Variants in CNTNAP3B observed in about 807,000 individuals in gnomAD.
CNTNAP3B encodes contactin-associated protein-like 3B.
CNTNAP3B carries 25 observed loss-of-function variants against 108.9 expected under a neutral mutation model. The observed-to-expected ratio is 0.23, with a 90% CI of 0.17 to 0.32. The LOEUF (loss-of-function observed/expected upper bound fraction) is 0.32. Among genes scored for constraint, CNTNAP3B ranks in the 10% least tolerant of loss-of-function variants. The probability of loss-of-function intolerance (pLI) is 1.00; values close to 1 mark genes in which losing one functional copy is unlikely to be tolerated. For synonymous variants in CNTNAP3B, 103 were observed against 473.4 expected (o/e 0.22, Z 10.16); for missense variants, 252 against 1,210.4 (o/e 0.21, Z 11.75).
chr9:42,097,270 G>A (rs1046637740), intron 2 of CNTNAP3B, among the ~76,000 whole-genome samples: 3 of 140,358 alleles, frequency 2.1e-5, no homozygotes, highest in South Asian at 2.3e-4. Flanking sequence ...AGCAGGCATG[G>A]AAAATGGGGA....
intron 13 of CNTNAP3B, among the ~76,000 whole-genome samples, chr9:41,944,816 A>G (rs1481564182): frequency 6.6e-6 from 1 of 152,294 alleles, no homozygotes; most frequent in Non-Finnish European, 1.5e-5. Context: ...AGAAACTACC[A>G]TCAGAGTGAA....
In CNTNAP3B at chr9:41,944,394, A is replaced by C. The variant is rs1226777378; in HGVS notation, c.2081-5994T>G. 4.0e-4 allele frequency among the ~76,000 whole-genome samples: 60 copies of C among 149,826 alleles called. No homozygotes were observed. In the East Asian group the frequency reaches 9.5e-3, roughly 24 times the overall value. Reference sequence around the variant, plus strand: ...TAAGTAAAATGAATGATAATAATGTAATACAAAATAAGACAGAAGGATTGG... The same window carrying C: ...TAAGTAAAATGAATGATAATAATGTCATACAAAATAAGACAGAAGGATTGG... On this transcript the variant is annotated intron_variant, in intron 13 of 23. Coordinates refer to ENST00000377561, the MANE Select transcript of CNTNAP3B (RefSeq NM_001201380.3).
chr9:42,035,281 C>A (rs1222924330), intron 3 of CNTNAP3B, among the ~76,000 whole-genome samples: 1 of 143,734 alleles, frequency 7.0e-6, no homozygotes, highest in Non-Finnish European at 1.5e-5. Context: ...TACAGATTAG[C>A]AAGTGAGCTC....
chr9:42,090,738 C>CAT (rs200186231), intron 2 of CNTNAP3B, among the ~76,000 whole-genome samples: 41,791 of 66,222 alleles, frequency 0.63, 18,301 homozygotes, highest in Non-Finnish European at 0.68. Context: ...TATGTACTGA[C>CAT]ATATGTGTGT....
intron 9 of CNTNAP3B, among the ~76,000 whole-genome samples, chr9:41,977,786 A>ATTTTTTTTTTTT (rs71288160): frequency 1.1e-5 from 1 of 90,532 alleles, no homozygotes; most frequent in South Asian, 3.9e-4. Context: ...TGCCCAGCTA[A>ATTTTTTTTTTTT]TTTTTTTTTT....
chr9:41,918,038 GT>G (rs1338822186), intron 18 of CNTNAP3B, among the ~76,000 whole-genome samples: 2 of 152,298 alleles, frequency 1.3e-5, no homozygotes, highest in Non-Finnish European at 2.9e-5. Context: ...TTCAATAGTT[GT>G]TTTTTAAAAT....
Position 42,080,395 on chromosome 9 carries a change from C to G in CNTNAP3B, c.197-3333G>C, listed in dbSNP as rs183852593. 4.3e-3 allele frequency among the ~76,000 whole-genome samples: 597 copies of G among 139,994 alleles called. 95 individuals carry two copies. Among genetic ancestry groups the G allele is most frequent in the Non-Finnish European group, 7.4e-3 (482 of 65,122 alleles). 91.8% of individuals were successfully genotyped at this position (139,994 alleles called of 152,430 possible). A position where few individuals can be genotyped will look rare whatever the true frequency, so the allele number is the denominator to read the frequency against. On this transcript the variant is annotated intron_variant, in intron 2 of 23. Transcript: ENST00000377561. The stretch of plus-strand genomic sequence containing the variant: ...TCAGGATGTTGTAGACTCATGGTTA[C>G]AATCTGCAATCCCAGATGCATTTTA...
At chr9:42,075,278 T>G (rs1350278496) in intron 3 of CNTNAP3B, among the ~76,000 whole-genome samples, 1 of 146,388 alleles carries the variant, frequency 6.8e-6, no homozygotes, top group Non-Finnish European at 1.5e-5. Flanking sequence ...TAAGGTCACA[T>G]TCTGAGGTAC....
chr9:41,956,341 G>A (rs139868045), intron 12 of CNTNAP3B, among the ~76,000 whole-genome samples: 4,646 of 150,542 alleles, frequency 0.031, 79 homozygotes, highest in East Asian at 0.24. Flanking sequence ...AGCCGAGATC[G>A]TGCCACTGTA....
At chr9:41,942,621 AT>A (rs1824391527) in intron 13 of CNTNAP3B, among the ~76,000 whole-genome samples, 1 of 150,850 alleles carries the variant, frequency 6.6e-6, no homozygotes. Context: ...AAAAATTAAA[AT>A]AAAATAAAAA....
intron 2 of CNTNAP3B, among the ~76,000 whole-genome samples, chr9:42,096,903 T>C (rs1827912522): frequency 1.6e-5 from 2 of 127,228 alleles, no homozygotes; most frequent in Non-Finnish European, 3.3e-5. Context: ...TCCTAGTCCG[T>C]AACAGTGGCA....
chr9:42,120,478 T>C lies in CNTNAP3B; in HGVS notation c.85+8532A>G, dbSNP rs1828435601. Among the ~76,000 whole-genome samples the C allele has an allele frequency of 1.4e-5, 2 of 137,982 alleles. 1 individual carries two copies. The highest frequency in any genetic ancestry group is 4.7e-4 in the South Asian group (2 of 4,218). The allele number at this position is 137,982 out of a possible 152,430, so 90.5% of individuals were successfully genotyped here. On this transcript the variant is annotated intron_variant, in intron 1 of 23. Transcript: ENST00000377561. ...CCCAGCCATCCCATTACTGGGTATA[T>C]ACCCAAAGGATTATAAATCATGCTG... is the stretch of plus-strand genomic sequence containing the variant.
intron 13 of CNTNAP3B, among the ~76,000 whole-genome samples, chr9:41,943,097 G>C (rs1433828315): frequency 6.6e-6 from 1 of 152,294 alleles, no homozygotes; most frequent in Non-Finnish European, 1.5e-5. Context: ...TGTTGAAAAA[G>C]TGGGCAACAT....
intron 13 of CNTNAP3B, among the ~76,000 whole-genome samples, chr9:41,943,073 T>A (rs1824410241): frequency 1.3e-5 from 2 of 152,288 alleles, no homozygotes; most frequent in Non-Finnish European, 2.9e-5. Context: ...ATAATCAATA[T>A]GCTAAGGGCT....
chr9:42,085,313 C>T (rs1055014323), intron 2 of CNTNAP3B, among the ~76,000 whole-genome samples: 2 of 148,418 alleles, frequency 1.3e-5, no homozygotes, highest in African/African-American at 5.0e-5. Context: ...CGTTTAGGGT[C>T]CGTAACCCCC....
intron 4 of CNTNAP3B, among the ~76,000 whole-genome samples, chr9:41,999,624 G>A (rs1825962570): frequency 9.7e-6 from 1 of 103,100 alleles, no homozygotes; most frequent in Non-Finnish European, 1.9e-5. Flanking sequence ...ACTGACAAAG[G>A]CACAGAGGTT....
chr9:41,964,922 C>G, intron 10 of CNTNAP3B, among the ~76,000 whole-genome samples: 1 of 152,254 alleles, frequency 6.6e-6, no homozygotes, highest in Non-Finnish European at 1.5e-5. Context: ...TGACATGTGG[C>G]TAGCAAAACC....
chr9:42,117,699 G>C (rs1216331215), intron 1 of CNTNAP3B, among the ~76,000 whole-genome samples: 1 of 135,246 alleles, frequency 7.4e-6, no homozygotes, highest in Non-Finnish European at 1.6e-5. Flanking sequence ...AGGAAATAGA[G>C]ACACAAAAAA....
chr9:41,931,347 A>G (rs1251999868), intron 14 of CNTNAP3B, among the ~76,000 whole-genome samples: 1 of 152,180 alleles, frequency 6.6e-6, no homozygotes, highest in Non-Finnish European at 1.5e-5. Flanking sequence ...TCTTCTGGCT[A>G]TTTTGAAATA....
Sources: gnomAD v4.1 joint callset for allele counts (sites outside exome capture counted in the v4.1 genomes callset) on GRCh38, gnomAD v4.1.1 for gene constraint, MANE v1.5 for transcripts, NCBI Gene and HGNC (gene_info 2026-07-23, HGNC 2026-07-21) for gene names.